MTSS1: variants seen among roughly 807,000 people sequenced by gnomAD.
The protein encoded by MTSS1 is MTSS I-BAR domain containing 1.
MTSS1 carries 18 observed loss-of-function variants against 79.0 expected under a neutral mutation model. The ratio of observed to expected loss-of-function variants is 0.23; its 90% CI spans 0.16 to 0.34. The LOEUF (loss-of-function observed/expected upper bound fraction) is 0.34, where lower values mean the gene tolerates loss of function less well. Ranked by LOEUF, MTSS1 falls within the 10% of genes least tolerant of loss-of-function variation. MTSS1 has a pLI of 1.00. For synonymous variants in MTSS1, 341 were observed against 368.6 expected, an observed-to-expected ratio of 0.93 and a Z score of 0.86; for missense variants, 815 against 986.2, an observed-to-expected ratio of 0.83 and a Z score of 2.33.
chr8:124,701,727 TA>T (rs1829732115), intron 2 of MTSS1, among the ~76,000 whole-genome samples: 1 of 152,210 alleles, frequency 6.6e-6, no homozygotes. Flanking sequence ...TTGAGGCTTT[TA>T]AATGGCAGTC....
At chr8:124,704,011 G>T in intron 2 of MTSS1, 119 bp downstream of exon 2, 2 of 847,026 alleles carry the variant, frequency 2.4e-6, no homozygotes, top group Non-Finnish European at 3.9e-6. Context: ...CCCAGCACAG[G>T]CTTCCCTATC....
intron 3 of MTSS1, among the ~76,000 whole-genome samples, chr8:124,619,725 T>C (rs1271882216): frequency 6.6e-6 from 1 of 152,156 alleles, no homozygotes. Flanking sequence ...GTAAGCATCA[T>C]GGAATTCAGA....
chr8:124,668,104 T>C (rs1308265094), intron 3 of MTSS1, among the ~76,000 whole-genome samples: 3 of 151,870 alleles, frequency 2.0e-5, no homozygotes, highest in African/African-American at 7.3e-5. Context: ...AAAAAAAGTC[T>C]CCAAGGCTTT....
intron 3 of MTSS1, among the ~76,000 whole-genome samples, chr8:124,696,348 T>A (rs1428636242): frequency 6.6e-6 from 1 of 152,148 alleles, no homozygotes; most frequent in Admixed American, 6.5e-5. Context: ...TAAGTAAAAA[T>A]TAATAAAAGT....
intron 3 of MTSS1, among the ~76,000 whole-genome samples, chr8:124,614,590 T>C (rs1264740037): frequency 6.6e-6 from 1 of 152,172 alleles, no homozygotes; most frequent in African/African-American, 2.4e-5. Context: ...AATGGGTATG[T>C]TTTTTCCCCA....
At chr8:124,596,591 A>C (rs1832806910) in intron 3 of MTSS1, among the ~76,000 whole-genome samples, 1 of 152,204 alleles carries the variant, frequency 6.6e-6, no homozygotes, top group Non-Finnish European at 1.5e-5. Context: ...ACAAGCGTCC[A>C]CTGAGTATTT....
chr8:124,721,926 C>T (rs1002747424), intron 1 of MTSS1, among the ~76,000 whole-genome samples: 7 of 152,148 alleles, frequency 4.6e-5, no homozygotes, highest in Admixed American at 2.0e-4. Context: ...AGAACCTCGC[C>T]TTCTGGTGAG....
chr8:124,691,997 T>C (rs34410151), intron 3 of MTSS1, among the ~76,000 whole-genome samples: 28,063 of 151,834 alleles, frequency 0.18, 3,326 homozygotes, highest in Non-Finnish European at 0.25. Context: ...AGAAGACAAA[T>C]ATTTCAGGTG....
At chr8:124,638,400 G>A (rs1563912497) in intron 3 of MTSS1, among the ~76,000 whole-genome samples, 1 of 152,180 alleles carries the variant, frequency 6.6e-6, no homozygotes, top group Admixed American at 6.6e-5. Context: ...GTTTAGTAAT[G>A]TTGATAAGTG....
chr8:124,590,762 G>T (rs1791670150), intron 4 of MTSS1, among the ~76,000 whole-genome samples: 1 of 152,248 alleles, frequency 6.6e-6, no homozygotes, highest in Non-Finnish European at 1.5e-5. Flanking sequence ...ACATCCCTCA[G>T]TGAGTCTGGA....
chr8:124,687,958 T>C (rs958066557), intron 3 of MTSS1, among the ~76,000 whole-genome samples: 1 of 152,198 alleles, frequency 6.6e-6, no homozygotes, highest in Non-Finnish European at 1.5e-5. Flanking sequence ...TGTATTGAAC[T>C]GTGAAATGCG....
rs960054982 is a variant in MTSS1 at position 124,565,430 on chromosome 8, G to A, written c.824+232C>T. On this transcript the variant is annotated intron_variant, in intron 9 of 13. Coordinates refer to ENST00000518547, the MANE Select transcript of MTSS1 (RefSeq NM_014751.6). The stretch of plus-strand genomic sequence containing the variant: ...AAATCCCTACAACATACAAGTGAGA[G>A]AGAATAAGCTACATCCACAAGTCAA... Among the ~76,000 whole-genome samples the A allele has an allele frequency of 2.0e-5, 3 of 152,342 alleles. No homozygotes were observed. In the South Asian group the frequency reaches 6.2e-4, roughly 32 times the overall value.
chr8:124,705,350 A>C (rs1368482458), intron 1 of MTSS1, among the ~76,000 whole-genome samples: 1 of 152,156 alleles, frequency 6.6e-6, no homozygotes, highest in Admixed American at 6.6e-5. Flanking sequence ...GCATGCTTGT[A>C]GTCCCAGCTA....
intron 3 of MTSS1, 22 bp downstream of exon 3, chr8:124,699,504 G>A: frequency 6.2e-7 from 1 of 1,612,338 alleles, no homozygotes; most frequent in Non-Finnish European, 8.5e-7. Flanking sequence ...TTAACACTGG[G>A]AGTCAGCCTC....
intron 3 of MTSS1, among the ~76,000 whole-genome samples, chr8:124,624,703 A>G (rs1327869841): frequency 6.6e-6 from 1 of 152,214 alleles, no homozygotes; most frequent in Non-Finnish European, 1.5e-5. Context: ...AGCCACGTTG[A>G]TGGCGCTGAA....
chr8:124,633,845 C>T (rs914566965), intron 3 of MTSS1, among the ~76,000 whole-genome samples: 3 of 151,556 alleles, frequency 2.0e-5, no homozygotes, highest in Non-Finnish European at 4.4e-5. Flanking sequence ...ATCCTAGTAC[C>T]GCCTAAATTT....
intron 3 of MTSS1, among the ~76,000 whole-genome samples, chr8:124,680,740 A>G (rs1225034009): frequency 1.3e-5 from 2 of 152,224 alleles, no homozygotes; most frequent in African/African-American, 4.8e-5. Context: ...GTGTCAGAGA[A>G]CATTCACTGT....
At chr8:124,557,980 A>C in intron 10 of MTSS1, 105 bp from the exon 11 acceptor site, 2 of 837,320 alleles carry the variant, frequency 2.4e-6, no homozygotes, top group Non-Finnish European at 3.6e-6. Flanking sequence ...GGGAAACCTG[A>C]ATATTTATAA....
chr8:124,563,948 C>G (rs529795036), intron 9 of MTSS1, among the ~76,000 whole-genome samples: 2 of 151,984 alleles, frequency 1.3e-5, no homozygotes, highest in Non-Finnish European at 2.9e-5. Context: ...CTGGCCAATA[C>G]GGTGAAACCC....
Sources: gnomAD v4.1 joint callset for allele counts (sites outside exome capture counted in the v4.1 genomes callset) on GRCh38, gnomAD v4.1.1 for gene constraint, MANE v1.5 for transcripts, NCBI Gene and HGNC (gene_info 2026-07-23, HGNC 2026-07-21) for gene names.